DLG2: variants seen among roughly 807,000 people sequenced by gnomAD.
DLG2 encodes discs large MAGUK scaffold protein 2.
DLG2 carries 45 observed loss-of-function variants against 132.5 expected under a neutral mutation model. The observed-to-expected ratio is 0.34, with a 90% confidence interval of 0.27 to 0.44. The LOEUF (loss-of-function observed/expected upper bound fraction) is 0.44. DLG2 is among the 20% of genes least tolerant of loss of function. The pLI, the probability that DLG2 is intolerant of heterozygous loss-of-function variation, is 1.00. For missense variants in DLG2, 1,045 were observed against 1,196.9 expected (o/e 0.87, Z 1.87); for synonymous variants, 424 against 419.6 (o/e 1.01, Z -0.13).
chr11:84,856,249 A>G (rs1418821651), intron 6 of DLG2, among the ~76,000 whole-genome samples: 1 of 152,098 alleles, frequency 6.6e-6, no homozygotes, highest in Admixed American at 6.6e-5. Flanking sequence ...ATCCTGTGAA[A>G]GTACGTTCAT....
intron 8 of DLG2, among the ~76,000 whole-genome samples, chr11:84,209,612 C>CA (rs1255475340): frequency 3.1e-3 from 210 of 66,706 alleles, no homozygotes; most frequent in African/African-American, 6.3e-3. Context: ...AAGATTGTTC[C>CA]AAAATAAAAA....
At chr11:83,892,917 T>C (rs1284797351) in intron 15 of DLG2, among the ~76,000 whole-genome samples, 2 of 152,158 alleles carry the variant, frequency 1.3e-5, no homozygotes, top group African/African-American at 2.4e-5. Flanking sequence ...GCATATATAA[T>C]CTAACTTGCG....
chr11:83,780,473 G>A (rs1188011363), intron 18 of DLG2, among the ~76,000 whole-genome samples: 1 of 152,186 alleles, frequency 6.6e-6, no homozygotes, highest in Non-Finnish European at 1.5e-5. Context: ...CTGCATTAAA[G>A]TGTGGTAAGC....
At chr11:85,136,479 AT>A (rs58507682) in intron 5 of DLG2, among the ~76,000 whole-genome samples, 1,593 of 146,450 alleles carry the variant, frequency 0.011, 25 homozygotes, top group African/African-American at 0.034. Context: ...GACATGAAGC[AT>A]TTTTTTTTTT....
chr11:84,829,845 T>C (rs1401652059), intron 6 of DLG2, among the ~76,000 whole-genome samples: 1 of 151,688 alleles, frequency 6.6e-6, no homozygotes, highest in Non-Finnish European at 1.5e-5. Context: ...ATTTGGGACA[T>C]ACATTTAAAA....
At chr11:85,511,855 A>G (rs1411203565) in intron 3 of DLG2, among the ~76,000 whole-genome samples, 2 of 151,900 alleles carry the variant, frequency 1.3e-5, no homozygotes, top group African/African-American at 2.4e-5. Context: ...AATAGCTAGG[A>G]CCACAGGCAT....
chr11:85,239,837 C>T (rs959903550), intron 4 of DLG2, among the ~76,000 whole-genome samples: 32 of 151,896 alleles, frequency 2.1e-4, no homozygotes, highest in African/African-American at 7.2e-4. Flanking sequence ...GTTTTTATTA[C>T]ACTGGACATG....
intron 7 of DLG2, among the ~76,000 whole-genome samples, chr11:84,394,340 T>C (rs1456305520): frequency 1.4e-5 from 2 of 140,916 alleles, no homozygotes; most frequent in Non-Finnish European, 3.2e-5. Context: ...GTCTTTCAGT[T>C]TTTTTTTTTT....
intron 8 of DLG2, among the ~76,000 whole-genome samples, chr11:84,216,635 G>A (rs2096839313): frequency 6.6e-6 from 1 of 152,098 alleles, no homozygotes; most frequent in African/African-American, 2.4e-5. Flanking sequence ...TAGGAAATAG[G>A]GCTAAGAGTA....
intron 7 of DLG2, among the ~76,000 whole-genome samples, chr11:84,342,899 A>G (rs908853477): frequency 5.9e-5 from 9 of 152,158 alleles, no homozygotes; most frequent in African/African-American, 2.2e-4. Flanking sequence ...TGAATTTGGA[A>G]TGTGTGCTCA....
rs577960166 is a variant in DLG2 at position 85,507,629 on chromosome 11, T to G, written c.40+91028A>C. ...TTTTGGGTAACCCGACTTCTCTGGC[T>G]GCCCTTAACATTTTTTCCTTCATTT... On this transcript the variant is annotated intron_variant, in intron 3 of 27. Coordinates refer to ENST00000376104, the MANE Select transcript of DLG2 (RefSeq NM_001142699.3). Among the ~76,000 whole-genome samples the G allele has an allele frequency of 6.6e-5, 10 of 152,290 alleles. 1 individual carries two copies. The East Asian group carries it at 1.9e-3, about 29-fold the overall frequency.
At chr11:84,805,636 T>C (rs2075908502) in intron 6 of DLG2, among the ~76,000 whole-genome samples, 1 of 152,150 alleles carries the variant, frequency 6.6e-6, no homozygotes, top group Non-Finnish European at 1.5e-5. Context: ...TTCCTCCTGC[T>C]CCAGCAATAT....
At chr11:85,544,186 T>C (rs2076153609) in intron 3 of DLG2, among the ~76,000 whole-genome samples, 1 of 152,176 alleles carries the variant, frequency 6.6e-6, no homozygotes, top group Non-Finnish European at 1.5e-5. Flanking sequence ...AAGGAAGGGA[T>C]CCAGTTTCAG....
At position 85,065,537 on chromosome 11, in the gene DLG2, C is replaced by CT. The variant is rs199773112; in HGVS notation, c.357+46123dup. On this transcript the variant is annotated intron_variant, in intron 6 of 27. Coordinates refer to ENST00000376104, the MANE Select transcript of DLG2 (RefSeq NM_001142699.3). ...CAGGTTTCACAATCTACATATCCAG[C>CT]TTTTTTTAAATTTTAATTTTATTAA... 1.2e-3 allele frequency among the ~76,000 whole-genome samples: 175 copies of CT among 149,610 alleles called. 2 individuals carry two copies. In the East Asian group the frequency reaches 0.033, roughly 28 times the overall value.
chr11:83,886,975 A>G (rs1042996397), intron 15 of DLG2, among the ~76,000 whole-genome samples: 1 of 152,102 alleles, frequency 6.6e-6, no homozygotes, highest in East Asian at 1.9e-4. Context: ...TTATAGCACT[A>G]AATGCCCACA....
chr11:84,949,351 C>A (rs1007996398), intron 6 of DLG2, among the ~76,000 whole-genome samples: 1 of 152,048 alleles, frequency 6.6e-6, no homozygotes, highest in Non-Finnish European at 1.5e-5. Flanking sequence ...ACCACAGGAC[C>A]GAGGTGAAAT....
intron 6 of DLG2, among the ~76,000 whole-genome samples, chr11:85,105,080 G>T (rs1268896408): frequency 2.0e-5 from 3 of 151,812 alleles, no homozygotes; most frequent in Non-Finnish European, 2.9e-5. Context: ...CCTCCACTTA[G>T]TTTCTCAGAT....
intron 6 of DLG2, among the ~76,000 whole-genome samples, chr11:84,938,649 T>C (rs1043697880): frequency 2.0e-5 from 3 of 152,170 alleles, no homozygotes; most frequent in Admixed American, 1.3e-4. Flanking sequence ...CATAAATGTG[T>C]TGTCTTTTTC....
At chr11:84,325,206 GT>G (rs1310561774) in intron 7 of DLG2, among the ~76,000 whole-genome samples, 20 of 151,668 alleles carry the variant, frequency 1.3e-4, no homozygotes, top group Admixed American at 9.9e-4. Context: ...ATTTGTTGAG[GT>G]TTTTTTTAAA....
Sources: allele counts gnomAD v4.1 joint callset (sites outside exome capture counted in the v4.1 genomes callset), GRCh38; gene constraint gnomAD v4.1.1; transcripts MANE v1.5; gene names NCBI Gene and HGNC (gene_info 2026-07-23, HGNC 2026-07-21).